The following CCSER1 variants were observed in gnomAD, a reference collection of about 807,000 sequenced individuals.
CCSER1 encodes coiled-coil serine rich protein 1.
In CCSER1, 41 loss-of-function variants were observed where a neutral mutation model predicts 82.0. That is an observed-to-expected ratio of 0.50 (90% CI 0.39 to 0.65). The LOEUF (loss-of-function observed/expected upper bound fraction) is 0.65. CCSER1 is among the 30% of genes least tolerant of loss of function. CCSER1 has a pLI of 0.00. For synonymous variants in CCSER1, 414 were observed against 383.9 expected (o/e 1.08, Z -0.92); for missense variants, 1,119 against 1,064.2 (o/e 1.05, Z -0.72).
chr4:90,500,815 A>G (rs1300492225), intron 5 of CCSER1, among the ~76,000 whole-genome samples: 1 of 152,166 alleles, frequency 6.6e-6, no homozygotes. Flanking sequence ...TTTCGAAATT[A>G]TGCCCAATAT....
chr4:90,966,569 A>C (rs1444751328), intron 9 of CCSER1, among the ~76,000 whole-genome samples: 2 of 152,154 alleles, frequency 1.3e-5, no homozygotes, highest in South Asian at 2.1e-4. Context: ...ATTGCTAGGA[A>C]ACCTGCCTTA....
At chr4:90,264,100 C>T (rs1266341754) in intron 1 of CCSER1, among the ~76,000 whole-genome samples, 1 of 152,192 alleles carries the variant, frequency 6.6e-6, no homozygotes, top group Non-Finnish European at 1.5e-5. Context: ...TGTTAAAATA[C>T]ACCGTGGGCT....
chr4:90,416,926 T>A (rs1697119193), intron 4 of CCSER1, among the ~76,000 whole-genome samples: 1 of 150,306 alleles, frequency 6.7e-6, no homozygotes, highest in Admixed American at 6.6e-5. Context: ...AAACCATTAT[T>A]CTTAGCAAAC....
intron 7 of CCSER1, among the ~76,000 whole-genome samples, chr4:90,725,395 A>G (rs1006875625): frequency 6.6e-6 from 1 of 151,582 alleles, no homozygotes; most frequent in Non-Finnish European, 1.5e-5. Context: ...TGAGAGATCA[A>G]TAGTTTTGGG....
At chr4:90,839,459 A>T (rs1762286555) in intron 8 of CCSER1, among the ~76,000 whole-genome samples, 1 of 152,208 alleles carries the variant, frequency 6.6e-6, no homozygotes, top group Non-Finnish European at 1.5e-5. Flanking sequence ...CATGTGTTAC[A>T]TCTATAGAGC....
At chr4:90,220,060 G>A (rs564800246) in intron 1 of CCSER1, among the ~76,000 whole-genome samples, 1 of 152,134 alleles carries the variant, frequency 6.6e-6, no homozygotes, top group Non-Finnish European at 1.5e-5. Flanking sequence ...GGTATGTATA[G>A]TACAATAAGA....
intron 9 of CCSER1, among the ~76,000 whole-genome samples, chr4:91,015,089 C>T (rs942839586): frequency 2.0e-5 from 3 of 151,906 alleles, no homozygotes; most frequent in African/African-American, 7.3e-5. Flanking sequence ...TACTTGAATC[C>T]ATCCCATATT....
chr4:90,781,331 A>T (rs574577520), intron 7 of CCSER1: 1 of 985,304 alleles, frequency 1.0e-6, no homozygotes, highest in African/African-American at 1.7e-5. Flanking sequence ...TTCATCAAAT[A>T]TGAATGTGCA....
chr4:91,103,916 G>A (rs762509543), intron 10 of CCSER1, among the ~76,000 whole-genome samples: 19 of 152,096 alleles, frequency 1.2e-4, no homozygotes, highest in Non-Finnish European at 2.1e-4. Context: ...ATGCAAGTAG[G>A]AGAGATATCA....
chr4:90,992,741 GC>G (rs1180584831), intron 9 of CCSER1, among the ~76,000 whole-genome samples: 2 of 151,826 alleles, frequency 1.3e-5, no homozygotes, highest in African/African-American at 4.8e-5. Flanking sequence ...GCTCCCAGAG[GC>G]CCCTTGCAAT....
chr4:90,751,672 C>T (rs1046061086), intron 7 of CCSER1, among the ~76,000 whole-genome samples: 3 of 151,994 alleles, frequency 2.0e-5, no homozygotes, highest in Non-Finnish European at 2.9e-5. Context: ...TTGGTGTTGA[C>T]GTTGTTACAT....
At chr4:90,542,567 A>C (rs1047401581) in intron 5 of CCSER1, among the ~76,000 whole-genome samples, 1 of 152,156 alleles carries the variant, frequency 6.6e-6, no homozygotes, top group Non-Finnish European at 1.5e-5. Flanking sequence ...CTAACAAACT[A>C]TAAATCAAAC....
At chr4:90,848,727 G>A (rs554559246) in intron 8 of CCSER1, among the ~76,000 whole-genome samples, 7 of 152,230 alleles carry the variant, frequency 4.6e-5, no homozygotes, top group South Asian at 4.1e-4. Context: ...TAATCCCCAC[G>A]TATCAAGGAC....
intron 1 of CCSER1, among the ~76,000 whole-genome samples, chr4:90,281,682 A>G (rs749317320): frequency 1.1e-4 from 16 of 152,106 alleles, no homozygotes; most frequent in East Asian, 5.8e-4. Context: ...TCTCAAGTCT[A>G]TTTTTATCTG....
chr4:90,463,562 A>G (rs9995047), intron 4 of CCSER1, among the ~76,000 whole-genome samples: 2,932 of 152,286 alleles, frequency 0.019, 86 homozygotes, highest in African/African-American at 0.067. Flanking sequence ...TGCTAGGTTA[A>G]GCTTTATCAG....
intron 10 of CCSER1, among the ~76,000 whole-genome samples, chr4:91,537,304 C>G (rs1014068957): frequency 6.6e-6 from 1 of 151,988 alleles, no homozygotes; most frequent in Non-Finnish European, 1.5e-5. Context: ...TTTTAACCAC[C>G]ATACGGTGTT....
intron 4 of CCSER1, among the ~76,000 whole-genome samples, chr4:90,406,668 C>A (rs1262346699): frequency 6.6e-6 from 1 of 152,034 alleles, no homozygotes; most frequent in Admixed American, 6.6e-5. Context: ...CTTCAGAGCA[C>A]AGTGGAATAA....
At chr4:90,707,442 C>T (rs1257349566) in intron 6 of CCSER1, among the ~76,000 whole-genome samples, 1 of 151,572 alleles carries the variant, frequency 6.6e-6, no homozygotes, top group Non-Finnish European at 1.5e-5. Flanking sequence ...ATCTGTTTAC[C>T]CAGACAACAC....
At chr4:91,047,533 T>C (rs1742616524) in intron 9 of CCSER1, among the ~76,000 whole-genome samples, 1 of 152,164 alleles carries the variant, frequency 6.6e-6, no homozygotes, top group African/African-American at 2.4e-5. Context: ...CTCCTGACTT[T>C]CTACCAATTG....
Sources: gnomAD v4.1 joint callset for allele counts (sites outside exome capture counted in the v4.1 genomes callset) on GRCh38, gnomAD v4.1.1 for gene constraint, MANE v1.5 for transcripts, NCBI Gene and HGNC (gene_info 2026-07-23, HGNC 2026-07-21) for gene names.